RAP1GDS1: variants seen among roughly 807,000 people sequenced by gnomAD.
RAP1GDS1 encodes the protein Rap1 GTPase-GDP dissociation stimulator 1.
Under a neutral mutation model 71.1 loss-of-function variants are expected in RAP1GDS1, and 35 were observed. That is an observed-to-expected ratio of 0.49 (90% CI 0.38 to 0.65). The LOEUF (loss-of-function observed/expected upper bound fraction) is 0.65, where lower values mean the gene tolerates loss of function less well. Among genes scored for constraint, RAP1GDS1 ranks in the 30% least tolerant of loss-of-function variants. The probability of loss-of-function intolerance (pLI) is 0.00; values close to 1 mark genes in which losing one functional copy is unlikely to be tolerated. For synonymous variants in RAP1GDS1, 229 were observed against 243.1 expected (o/e 0.94, Z 0.54); for missense variants, 663 against 706.1 (o/e 0.94, Z 0.69).
chr4:98,263,353 G>A (rs1204066138), intron 1 of RAP1GDS1, among the ~76,000 whole-genome samples: 2 of 152,092 alleles, frequency 1.3e-5, no homozygotes, highest in Admixed American at 6.5e-5. Context: ...TTTTTCAGTG[G>A]AAAAAATCCA....
At chr4:98,355,769 T>C (rs1049441184) in intron 4 of RAP1GDS1, among the ~76,000 whole-genome samples, 1 of 152,206 alleles carries the variant, frequency 6.6e-6, no homozygotes, top group African/African-American at 2.4e-5. Context: ...GTGCCCATTT[T>C]AGGAACTTTT....
At chr4:98,352,714 G>T (rs72688415) in intron 4 of RAP1GDS1, 113 bp downstream of exon 4, 29,974 of 1,160,458 alleles carry the variant, frequency 0.026, 507 homozygotes, top group Non-Finnish European at 0.029. Flanking sequence ...AACATGGGCC[G>T]GCATGATTCA....
intron 1 of RAP1GDS1, among the ~76,000 whole-genome samples, chr4:98,287,076 C>T (rs1726158281): frequency 6.6e-6 from 1 of 151,944 alleles, no homozygotes; most frequent in South Asian, 2.1e-4. Context: ...CATGCCAGTG[C>T]AAGTAACTCA....
At chr4:98,404,332 G>T in intron 6 of RAP1GDS1, 145 bp from the exon 7 acceptor site, 1 of 725,564 alleles carries the variant, frequency 1.4e-6, no homozygotes, top group East Asian at 3.7e-5. Context: ...TCCTTTTCAG[G>T]GACATTAAAA....
intron 1 of RAP1GDS1, among the ~76,000 whole-genome samples, chr4:98,288,348 A>G (rs1726355557): frequency 6.6e-6 from 1 of 152,168 alleles, no homozygotes; most frequent in African/African-American, 2.4e-5. Flanking sequence ...ATGTTCCTAC[A>G]AAGGACATGA....
intron 12 of RAP1GDS1, among the ~76,000 whole-genome samples, chr4:98,426,579 A>G (rs1431043929): frequency 2.0e-5 from 3 of 152,188 alleles, no homozygotes; most frequent in Non-Finnish European, 4.4e-5. Flanking sequence ...CACAGCTACT[A>G]TGAACACCTT....
intron 7 of RAP1GDS1, among the ~76,000 whole-genome samples, chr4:98,413,576 T>A (rs1233735099): frequency 3.3e-5 from 5 of 151,784 alleles, no homozygotes; most frequent in Admixed American, 6.6e-5. Flanking sequence ...TGCATAGTAT[T>A]CCATGGTGTA....
chr4:98,404,910 A>G (rs1024551923), intron 7 of RAP1GDS1, among the ~76,000 whole-genome samples: 3 of 152,168 alleles, frequency 2.0e-5, no homozygotes, highest in African/African-American at 7.2e-5. Context: ...TTGTAAGGCA[A>G]AGGGGATAAA....
rs1733430153 is a variant in RAP1GDS1, at chr4:98,328,237, C to G, written c.113-14902C>G. ...TTAACCAGTTGATACAAAAAGATCT[C>G]TTAGGTTTCATTCTTTCAAACTACC... is the stretch of plus-strand genomic sequence containing the variant. On this transcript the variant is annotated intron_variant, in intron 2 of 14. Transcript: ENST00000408927. 1.3e-5 allele frequency among the ~76,000 whole-genome samples: 2 copies of G among 152,136 alleles called. 1 individual carries two copies. The highest frequency in any genetic ancestry group is 4.1e-4 in the South Asian group (2 of 4,832).
intron 12 of RAP1GDS1, among the ~76,000 whole-genome samples, chr4:98,429,269 AAAAAG>A (rs1427204524): frequency 3.3e-5 from 5 of 151,878 alleles, no homozygotes; most frequent in African/African-American, 4.8e-5. Flanking sequence ...AAAAAAAAAA[AAAAAG>A]AAAAGAAACT....
intron 12 of RAP1GDS1, among the ~76,000 whole-genome samples, chr4:98,423,008 G>A (rs568856990): frequency 5.9e-5 from 9 of 152,342 alleles, no homozygotes; most frequent in African/African-American, 2.2e-4. Flanking sequence ...TCATTTAACA[G>A]TTAATATTTG....
At chr4:98,354,179 C>CA (rs1444679787) in intron 4 of RAP1GDS1, among the ~76,000 whole-genome samples, 1 of 151,308 alleles carries the variant, frequency 6.6e-6, no homozygotes, top group Non-Finnish European at 1.5e-5. Context: ...TCTCCTGCCT[C>CA]AGCCTCCCGA....
chr4:98,358,600 T>C (rs1409178035), intron 4 of RAP1GDS1, among the ~76,000 whole-genome samples: 3 of 152,038 alleles, frequency 2.0e-5, no homozygotes, highest in African/African-American at 4.8e-5. Flanking sequence ...AAACCATGTT[T>C]ATCTCTGATT....
chr4:98,421,283 T>A lies in RAP1GDS1; in HGVS notation c.1329T>A (p.Asn443Lys). The change falls in exon 12 of 15, where the codon AAT (asparagine) becomes AAA (lysine). Residue 443 changes from asparagine to lysine, a missense_variant. Transcript: ENST00000408927. Reference sequence around the variant, plus strand: ...AAGCTGCTGAACAATTGGGAAAGAATGTTAAGTTAGTGGAGCGTTTGGTGG... The same window carrying A: ...AAGCTGCTGAACAATTGGGAAAGAAAGTTAAGTTAGTGGAGCGTTTGGTGG... ...QAEAAEQLGK[N>K]VKLVERLVEW... 6.2e-7 allele frequency: 1 copy of A among 1,610,550 alleles called. No individual in the cohort carries two copies. The highest frequency in any genetic ancestry group is 8.5e-7 in the Non-Finnish European group (1 of 1,177,966).
chr4:98,263,615 A>G (rs2110216250), intron 1 of RAP1GDS1, among the ~76,000 whole-genome samples: 2 of 152,316 alleles, frequency 1.3e-5, no homozygotes, highest in South Asian at 4.1e-4. Flanking sequence ...TGTGCTGTGC[A>G]TTTAATCATG....
chr4:98,347,882 T>G (rs973918508), intron 3 of RAP1GDS1, among the ~76,000 whole-genome samples: 16 of 152,278 alleles, frequency 1.1e-4, no homozygotes, highest in South Asian at 4.1e-4. Context: ...GAGGTATAGG[T>G]AGTAGGAACC....
intron 4 of RAP1GDS1, among the ~76,000 whole-genome samples, chr4:98,362,536 A>G (rs1377300948): frequency 6.6e-6 from 1 of 151,818 alleles, no homozygotes; most frequent in Non-Finnish European, 1.5e-5. Flanking sequence ...CCAGGAAATT[A>G]AAATAGAACT....
At chr4:98,414,710 G>T (rs916477506) in intron 7 of RAP1GDS1, among the ~76,000 whole-genome samples, 75 of 151,654 alleles carry the variant, frequency 4.9e-4, no homozygotes, top group Non-Finnish European at 2.6e-4. Flanking sequence ...CTCTTTCTTG[G>T]TTCCATATGA....
chr4:98,339,163 A>G (rs1001881036), intron 2 of RAP1GDS1, among the ~76,000 whole-genome samples: 2 of 152,012 alleles, frequency 1.3e-5, no homozygotes, highest in Admixed American at 6.6e-5. Flanking sequence ...TTTCTTTCCT[A>G]TATCTGGCAG....
Sources: allele counts gnomAD v4.1 joint callset (sites outside exome capture counted in the v4.1 genomes callset), GRCh38; gene constraint gnomAD v4.1.1; transcripts MANE v1.5; gene names NCBI Gene and HGNC (gene_info 2026-07-23, HGNC 2026-07-21).